The following SUGCT variants were observed in gnomAD, a reference collection of about 807,000 sequenced individuals.
SUGCT encodes succinyl-CoA:glutarate CoA-transferase.
A neutral mutation model predicts 55.0 loss-of-function variants in SUGCT; 41 were observed. The ratio of observed to expected loss-of-function variants is 0.74; its 90% CI spans 0.58 to 0.97. The LOEUF (loss-of-function observed/expected upper bound fraction) is 0.97. SUGCT is among the 50% of genes least tolerant of loss of function. The pLI, the probability that SUGCT is intolerant of heterozygous loss-of-function variation, is 0.00. For missense variants in SUGCT, 568 were observed against 547.8 expected, an observed-to-expected ratio of 1.04 and a Z score of -0.37; for synonymous variants, 187 against 200.4, an observed-to-expected ratio of 0.93 and a Z score of 0.56.
At chr7:40,909,061 A>C in the SUGCT span, among the ~76,000 whole-genome samples, 3 of 152,172 alleles carry the variant, frequency 2.0e-5, no homozygotes, top group African/African-American at 7.2e-5. Context: ...TTTTTTCCCC[A>C]CTTTATTGTG....
intron 12 of SUGCT, among the ~76,000 whole-genome samples, chr7:40,634,606 T>C (rs533886524): frequency 3.9e-5 from 6 of 152,070 alleles, no homozygotes; most frequent in African/African-American, 9.7e-5. Context: ...ATAAAAACAA[T>C]GAAGCAAAAC....
At chr7:40,288,720 T>G (rs1170273346) in intron 8 of SUGCT, among the ~76,000 whole-genome samples, 3 of 152,156 alleles carry the variant, frequency 2.0e-5, no homozygotes, top group African/African-American at 7.2e-5. Context: ...ATTATATATT[T>G]TATTCAACCA....
intron 1 of SUGCT, among the ~76,000 whole-genome samples, chr7:40,167,356 T>C (rs1232693277): frequency 2.2e-4 from 33 of 152,084 alleles, no homozygotes; most frequent in Admixed American, 2.2e-3. Flanking sequence ...AAGCTGGAAA[T>C]TGAGGAAGAG....
At chr7:40,270,665 G>C (rs1791942615) in intron 7 of SUGCT, among the ~76,000 whole-genome samples, 3 of 152,090 alleles carry the variant, frequency 2.0e-5, no homozygotes, top group South Asian at 2.1e-4. Context: ...TCTTTTTCTA[G>C]ATTGGTTATT....
chr7:40,598,951 A>C (rs1798159270), intron 12 of SUGCT, among the ~76,000 whole-genome samples: 1 of 152,224 alleles, frequency 6.6e-6, no homozygotes, highest in Non-Finnish European at 1.5e-5. Flanking sequence ...TCTCATCTCC[A>C]AGACCATCTT....
intron 13 of SUGCT, among the ~76,000 whole-genome samples, chr7:40,811,960 G>A (rs912110909): frequency 1.3e-5 from 2 of 151,978 alleles, no homozygotes; most frequent in Admixed American, 6.6e-5. Flanking sequence ...GTTTCTTGAG[G>A]GTTTTTGTCA....
intron 12 of SUGCT, among the ~76,000 whole-genome samples, chr7:40,535,691 A>G (rs1441156800): frequency 6.6e-6 from 1 of 152,216 alleles, no homozygotes; most frequent in Non-Finnish European, 1.5e-5. Context: ...ATAAGAAAGA[A>G]TGAAATCATG....
the SUGCT span, among the ~76,000 whole-genome samples, chr7:40,971,044 T>A: frequency 9.9e-5 from 15 of 152,274 alleles, no homozygotes; most frequent in African/African-American, 3.4e-4. Flanking sequence ...GGTAATTTAT[T>A]TTTTCAAAAC....
At chr7:40,227,507 T>C (rs922026205) in intron 6 of SUGCT, among the ~76,000 whole-genome samples, 3 of 152,132 alleles carry the variant, frequency 2.0e-5, no homozygotes, top group Non-Finnish European at 4.4e-5. Context: ...TAGGACTACA[T>C]GTGTGTGCCA....
the SUGCT span, among the ~76,000 whole-genome samples, chr7:40,870,466 A>G: frequency 3.1e-4 from 47 of 152,196 alleles, no homozygotes; most frequent in African/African-American, 1.1e-3. Context: ...TTCAGGGCCC[A>G]CCCACACAGT....
At chr7:40,691,946 T>TAGAGAA (rs1315728040) in intron 12 of SUGCT, among the ~76,000 whole-genome samples, 1 of 152,204 alleles carries the variant, frequency 6.6e-6, no homozygotes, top group East Asian at 1.9e-4. Flanking sequence ...ATTGGATTCT[T>TAGAGAA]ATTGAAATGA....
At chr7:40,936,740 ATCTC>A in the SUGCT span, among the ~76,000 whole-genome samples, 1 of 151,688 alleles carries the variant, frequency 6.6e-6, no homozygotes, top group East Asian at 1.9e-4. Context: ...AGAACCATAA[ATCTC>A]TCTCTTAATT....
chr7:41,022,838 G>A, the SUGCT span, among the ~76,000 whole-genome samples: 1,001 of 152,214 alleles, frequency 6.6e-3, 8 homozygotes, highest in Middle Eastern at 0.02. Context: ...AGGATAAAGA[G>A]AAGACACAAA....
At chr7:40,199,450 G>T (rs1296937585) in intron 6 of SUGCT, among the ~76,000 whole-genome samples, 6 of 152,158 alleles carry the variant, frequency 3.9e-5, no homozygotes, top group African/African-American at 1.4e-4. Context: ...TGTGAAAAGG[G>T]CAGTGTTTCC....
the SUGCT span, among the ~76,000 whole-genome samples, chr7:40,953,387 A>G: frequency 4.6e-5 from 7 of 152,080 alleles, no homozygotes; most frequent in African/African-American, 1.4e-4. Flanking sequence ...CTTCTTTGCA[A>G]TGGGTTTGAA....
intron 9 of SUGCT, among the ~76,000 whole-genome samples, chr7:40,375,780 C>T (rs545087365): frequency 6.6e-6 from 1 of 152,032 alleles, no homozygotes; most frequent in East Asian, 1.9e-4. Flanking sequence ...AGTAACGTAC[C>T]CTCATAATAC....
chr7:40,237,167 GGCGCGGTGGCTCATGCCTGTAATCCTA>G (rs1284916177), intron 6 of SUGCT, among the ~76,000 whole-genome samples: 1 of 151,132 alleles, frequency 6.6e-6, no homozygotes, highest in East Asian at 2.0e-4. Flanking sequence ...GGGTAGGCCA[GGCGCGGTGGCTCATGCCTGTAATCCTA>G]GCATTTTGGG....
intron 9 of SUGCT, among the ~76,000 whole-genome samples, chr7:40,390,580 G>T (rs1785370285): frequency 6.6e-6 from 1 of 152,112 alleles, no homozygotes; most frequent in African/African-American, 2.4e-5. Context: ...AATTACAAGG[G>T]ATGTGAAGGA....
At chr7:40,302,559 C>T (rs1794596916) in intron 8 of SUGCT, among the ~76,000 whole-genome samples, 1 of 152,152 alleles carries the variant, frequency 6.6e-6, no homozygotes. Flanking sequence ...AATTTCTCAG[C>T]AGGACCTCAG....
Sources: allele counts gnomAD v4.1 joint callset (sites outside exome capture counted in the v4.1 genomes callset), GRCh38; gene constraint gnomAD v4.1.1; transcripts MANE v1.5; gene names NCBI Gene and HGNC (gene_info 2026-07-23, HGNC 2026-07-21).